The following EMILIN2 variants were observed in gnomAD, a reference collection of about 807,000 sequenced individuals.
EMILIN2 encodes the protein elastin microfibril interfacer 2, also known as EMILIN-2.
Under a neutral mutation model 87.1 loss-of-function variants are expected in EMILIN2, and 71 were observed. That is an observed-to-expected ratio of 0.82 (90% CI 0.67 to 0.99). EMILIN2 has a LOEUF of 0.99. EMILIN2 is among the 50% of genes least tolerant of loss of function. EMILIN2 has a pLI of 0.00. For synonymous variants in EMILIN2, 581 were observed against 563.4 expected (o/e 1.03, Z -0.44); for missense variants, 1,407 against 1,371.8 (o/e 1.03, Z -0.40).
chr18:2,888,518 A>G (rs1242377849), intron 3 of EMILIN2, among the ~76,000 whole-genome samples: 3 of 152,022 alleles, frequency 2.0e-5, no homozygotes, highest in Admixed American at 1.3e-4. Context: ...GATGGAGACC[A>G]TCCTGGCTAA....
intron 5 of EMILIN2, among the ~76,000 whole-genome samples, chr18:2,907,347 C>T (rs1598506449): frequency 6.6e-6 from 1 of 152,224 alleles, no homozygotes; most frequent in Non-Finnish European, 1.5e-5. Context: ...ACGAGTGCCA[C>T]ACGGGCAGCT....
chr18:2,891,306 G>C lies in EMILIN2; in HGVS notation c.1179G>C (p.Gln393His). ...CCCGGCTACAGGAGCCTTCAGCCCA[G>C]GCAAATTGCTGCGACAGTGAAAAGA... ...LRARLQEPSA[Q>H]ANCCDSEKNG... is the part of the protein sequence containing the mutation. The change falls in exon 4 of 8, where the codon CAG becomes CAC. Residue 393 changes from glutamine to histidine, a missense_variant. Physicochemically the swap from Gln to His is conservative, Grantham distance 24. Transcript: ENST00000254528. This position sits in a 1 kb window ranked among gnomAD's most constrained non-coding sequence, Gnocchi z 4.6. 1 of 1,614,174 alleles carries C rather than the reference G, an allele frequency of 6.2e-7. No homozygotes were observed. Among genetic ancestry groups the C allele is most frequent in the Non-Finnish European group, 8.5e-7 (1 of 1,180,046 alleles).
chr18:2,909,876 AC>A, intron 7 of EMILIN2, 57 bp downstream of exon 7: 1 of 1,580,846 alleles, frequency 6.3e-7, no homozygotes, highest in Non-Finnish European at 8.6e-7. Flanking sequence ...CGCAGGTGGG[AC>A]CCCTCCCACC....
At chr18:2,854,984 C>T (rs1321402462) in intron 2 of EMILIN2, among the ~76,000 whole-genome samples, 1 of 152,166 alleles carries the variant, frequency 6.6e-6, no homozygotes, top group Admixed American at 6.5e-5. Context: ...ACAAAAGTTT[C>T]GCCATCAATT....
chr18:2,858,549 A>ATATATATATATATGTGTG (rs2076640765), intron 2 of EMILIN2, among the ~76,000 whole-genome samples: 2 of 44,178 alleles, frequency 4.5e-5, no homozygotes, highest in Admixed American at 4.5e-4. Context: ...ATATATATAT[A>ATATATATATATATGTGTG]TATATATATA....
intron 2 of EMILIN2, among the ~76,000 whole-genome samples, chr18:2,868,374 A>T (rs528214971): frequency 6.7e-6 from 1 of 149,856 alleles, no homozygotes; most frequent in Non-Finnish European, 1.5e-5. Context: ...ACGCAGAGAC[A>T]CTCCTCACTT....
At chr18:2,900,680 T>C (rs1457736642) in intron 4 of EMILIN2, among the ~76,000 whole-genome samples, 1 of 12,434 alleles carries the variant, frequency 8.0e-5, no homozygotes, top group Non-Finnish European at 2.3e-4. Flanking sequence ...CCCGGGCCCA[T>C]TTAGCACCAC....
chr18:2,896,879 G>A (rs1164020922), intron 4 of EMILIN2, among the ~76,000 whole-genome samples: 2 of 151,116 alleles, frequency 1.3e-5, no homozygotes, highest in Admixed American at 6.6e-5. Context: ...GCTTACGCCT[G>A]TAATCCCAGC....
At position 2,847,390 on chromosome 18, in the gene EMILIN2, G is replaced by A. The variant is rs1183981873; in HGVS notation, c.134+68G>A. 7.2e-6 allele frequency: 9 copies of A among 1,247,202 alleles called. No homozygotes were observed. Among genetic ancestry groups the A allele is most frequent in the African/African-American group, 3.2e-5 (2 of 62,992 alleles). The allele number at this position is 1,247,202 out of a possible 1,614,324, so 77.3% of individuals were successfully genotyped here. On this transcript the variant is annotated intron_variant, in intron 1 of 7. Coordinates refer to ENST00000254528, the MANE Select transcript of EMILIN2 (RefSeq NM_032048.3). The surrounding 1 kb of genome is among the most constrained non-coding windows in gnomAD (Gnocchi z 4.5). ...CCCCGGCCCCCAGTTGAGCCCCAGAGCTGCCCTGCCAAAGACGACGAGCGG... is the reference window on the plus strand; with the variant it reads ...CCCCGGCCCCCAGTTGAGCCCCAGAACTGCCCTGCCAAAGACGACGAGCGG...
At chr18:2,901,545 A>G (rs976300727) in intron 4 of EMILIN2, among the ~76,000 whole-genome samples, 3 of 152,238 alleles carry the variant, frequency 2.0e-5, no homozygotes, top group African/African-American at 7.2e-5. Context: ...AGGTTCACCC[A>G]TGGTGAGGCT....
chr18:2,846,861 C>G (rs2076576482), upstream of EMILIN2: 2 of 985,176 alleles, frequency 2.0e-6, no homozygotes, highest in Middle Eastern at 5.2e-4. This position sits in a 1 kb window ranked among gnomAD's most constrained non-coding sequence, Gnocchi z 5.3. Flanking sequence ...AGCCCCCTGC[C>G]GAGAAGCGAA....
At chr18:2,876,639 GC>G (rs2076749933) in intron 2 of EMILIN2, among the ~76,000 whole-genome samples, 1 of 136,560 alleles carries the variant, frequency 7.3e-6, no homozygotes, top group Non-Finnish European at 1.6e-5. Context: ...GGTGGCGGGC[GC>G]CTGTAGTCCC....
At chr18:2,867,662 TG>T (rs1176856541) in intron 2 of EMILIN2, among the ~76,000 whole-genome samples, 6 of 152,194 alleles carry the variant, frequency 3.9e-5, no homozygotes, top group Non-Finnish European at 8.8e-5. Flanking sequence ...AGCACAGGGT[TG>T]GGGGTAAGGT....
At chr18:2,867,528 TAAGATTAGGGAGTGGTGATGACTCTC>T (rs2076692741) in intron 2 of EMILIN2, among the ~76,000 whole-genome samples, 1 of 152,118 alleles carries the variant, frequency 6.6e-6, no homozygotes, top group South Asian at 2.1e-4. Flanking sequence ...CCTGGGTACT[TAAGATTAGGGAGTGGTGATGACTCTC>T]AACGAGCATG....
chr18:2,908,482 T>A (rs892276346), intron 5 of EMILIN2, among the ~76,000 whole-genome samples: 4 of 152,082 alleles, frequency 2.6e-5, no homozygotes, highest in Admixed American at 6.5e-5. Flanking sequence ...CACTCTTCCC[T>A]GTGTGCATCC....
At chr18:2,873,563 C>T (rs375198847) in intron 2 of EMILIN2, among the ~76,000 whole-genome samples, 2,074 of 150,220 alleles carry the variant, frequency 0.014, 57 homozygotes, top group African/African-American at 0.049. Flanking sequence ...AAAAATTAGC[C>T]GGGCGTGGTG....
chr18:2,912,365 G>A (rs1335655954), intron 7 of EMILIN2, among the ~76,000 whole-genome samples: 1 of 152,088 alleles, frequency 6.6e-6, no homozygotes, highest in Non-Finnish European at 1.5e-5. Context: ...TAGCTCCTGG[G>A]CCCTCCGCTT....
At position 2,847,116 on chromosome 18, in the gene EMILIN2, C is replaced by T; in HGVS notation, c.-73C>T. Reference sequence around the variant, plus strand: ...TCGCGGGCGGCGCCCTGGCCGCCGGCAGCCTTGTGGCCGGTGCCCCGATCC... The same window carrying T: ...TCGCGGGCGGCGCCCTGGCCGCCGGTAGCCTTGTGGCCGGTGCCCCGATCC... On this transcript the variant is annotated 5_prime_UTR_variant, in exon 1 of 8. Coordinates refer to ENST00000254528, the MANE Select transcript of EMILIN2 (RefSeq NM_032048.3). The surrounding 1 kb of genome is among the most constrained non-coding windows in gnomAD (Gnocchi z 4.5). 1 of 1,075,706 alleles carries T rather than the reference C, an allele frequency of 9.3e-7. No individual in the cohort carries two copies. Among genetic ancestry groups the T allele is most frequent in the South Asian group, 2.6e-5 (1 of 38,616 alleles). 66.6% of individuals were successfully genotyped at this position (1,075,706 alleles called of 1,614,324 possible).
intron 2 of EMILIN2, among the ~76,000 whole-genome samples, chr18:2,874,157 C>T (rs1403532861): frequency 1.3e-5 from 2 of 152,084 alleles, no homozygotes; most frequent in Non-Finnish European, 2.9e-5. Flanking sequence ...TCACCGCTCC[C>T]GTTTAAGAGC....
Sources: allele counts gnomAD v4.1 joint callset (sites outside exome capture counted in the v4.1 genomes callset), GRCh38; gene constraint gnomAD v4.1.1; non-coding constraint Gnocchi (gnomAD v3.1); transcripts MANE v1.5; gene names NCBI Gene and HGNC (gene_info 2026-07-23, HGNC 2026-07-21).